AGBL4: variants seen among roughly 807,000 people sequenced by gnomAD.
AGBL4 encodes the protein AGBL carboxypeptidase 4.
Under a neutral mutation model 66.4 loss-of-function variants are expected in AGBL4, and 58 were observed. The ratio of observed to expected loss-of-function variants is 0.87; its 90% confidence interval spans 0.71 to 1.09. The LOEUF is 1.09. Ranked by LOEUF, AGBL4 falls within the 50% of genes least tolerant of loss-of-function variation. The probability of loss-of-function intolerance (pLI) is 0.00; values close to 1 mark genes in which losing one functional copy is unlikely to be tolerated. For missense variants in AGBL4, 579 were observed against 631.0 expected (o/e 0.92, Z 0.88); for synonymous variants, 234 against 222.9 (o/e 1.05, Z -0.44).
chr1:49,513,941 G>T (rs1649511068), intron 3 of AGBL4, among the ~76,000 whole-genome samples: 1 of 151,978 alleles, frequency 6.6e-6, no homozygotes, highest in Non-Finnish European at 1.5e-5. Context: ...CATTTCATGG[G>T]CTAAGACTGG....
At chr1:48,578,838 A>G (rs1644692842) in intron 11 of AGBL4, among the ~76,000 whole-genome samples, 1 of 152,148 alleles carries the variant, frequency 6.6e-6, no homozygotes, top group Non-Finnish European at 1.5e-5. Context: ...GATTTAACCA[A>G]GTCCACATAG....
At chr1:48,893,127 C>G (rs1458743139) in intron 5 of AGBL4, among the ~76,000 whole-genome samples, 1 of 152,160 alleles carries the variant, frequency 6.6e-6, no homozygotes, top group African/African-American at 2.4e-5. Flanking sequence ...ACTTGCCTGA[C>G]AGCTGGGGCT....
chr1:49,564,467 C>T (rs566683437), intron 3 of AGBL4, among the ~76,000 whole-genome samples: 1 of 152,302 alleles, frequency 6.6e-6, no homozygotes, highest in South Asian at 2.1e-4. Context: ...TCCCTCTACA[C>T]ACTGCTTTGA....
intron 9 of AGBL4, among the ~76,000 whole-genome samples, chr1:48,606,667 C>A (rs1354448598): frequency 6.6e-6 from 1 of 152,176 alleles, no homozygotes; most frequent in Non-Finnish European, 1.5e-5. Flanking sequence ...AGGCTCCCAG[C>A]AAGAAGGCCA....
At chr1:49,628,371 C>A (rs911815892) in intron 3 of AGBL4, among the ~76,000 whole-genome samples, 1 of 152,138 alleles carries the variant, frequency 6.6e-6, no homozygotes, top group African/African-American at 2.4e-5. Flanking sequence ...TATAACCAAG[C>A]ATATATGCCA....
At position 49,460,824 on chromosome 1, in the gene AGBL4, T is replaced by C. The variant is rs1048362076; in HGVS notation, c.283-214960A>G. The stretch of plus-strand genomic sequence containing the variant: ...GGTGAATACTCTCAGCATCTATTTA[T>C]CTGGAAGACTGTATCTTTCCTTCAT... On this transcript the variant is annotated intron_variant, in intron 3 of 13. Transcript: ENST00000371839. Among the ~76,000 whole-genome samples the C allele has an allele frequency of 3.6e-4, 55 of 151,724 alleles. 2 individuals carry two copies. The highest frequency in any genetic ancestry group is 1.2e-4 in the Non-Finnish European group (8 of 67,816).
At chr1:49,625,944 G>A (rs189859709) in intron 3 of AGBL4, among the ~76,000 whole-genome samples, 2 of 152,244 alleles carry the variant, frequency 1.3e-5, no homozygotes, top group East Asian at 3.9e-4. Flanking sequence ...AGAATAGGAA[G>A]CAGCAAAATC....
chr1:49,609,283 T>A (rs1645112933), intron 3 of AGBL4, among the ~76,000 whole-genome samples: 1 of 152,116 alleles, frequency 6.6e-6, no homozygotes, highest in Admixed American at 6.6e-5. Context: ...ATTGTTTTTA[T>A]CATTAGGGCC....
chr1:49,748,523 C>A (rs1354579758), intron 2 of AGBL4, among the ~76,000 whole-genome samples: 1 of 152,130 alleles, frequency 6.6e-6, no homozygotes, highest in Non-Finnish European at 1.5e-5. Flanking sequence ...TGGGTATATA[C>A]CCAGTAATGG....
At chr1:48,918,060 C>T (rs544723399) in intron 5 of AGBL4, among the ~76,000 whole-genome samples, 6 of 152,298 alleles carry the variant, frequency 3.9e-5, no homozygotes, top group Non-Finnish European at 8.8e-5. Flanking sequence ...GGCCTTTCTC[C>T]AGCAGCCAGG....
intron 3 of AGBL4, among the ~76,000 whole-genome samples, chr1:49,643,854 T>G (rs1258093807): frequency 2.0e-5 from 3 of 151,600 alleles, no homozygotes; most frequent in Admixed American, 2.0e-4. Flanking sequence ...GAAAGAAAAC[T>G]GTAACATATA....
At chr1:49,076,493 C>G (rs1221174103) in intron 4 of AGBL4, among the ~76,000 whole-genome samples, 1 of 152,064 alleles carries the variant, frequency 6.6e-6, no homozygotes, top group African/African-American at 2.4e-5. Flanking sequence ...AAATGCTACT[C>G]TAAGAAAAGG....
At chr1:49,444,860 T>C (rs1021225639) in intron 3 of AGBL4, among the ~76,000 whole-genome samples, 4 of 152,088 alleles carry the variant, frequency 2.6e-5, no homozygotes, top group African/African-American at 4.8e-5. Context: ...CAATTTCACA[T>C]TGATTGTTGT....
At chr1:48,587,283 C>A (rs545727863) in intron 10 of AGBL4, 117 bp from the exon 11 acceptor site, 39 of 950,956 alleles carry the variant, frequency 4.1e-5, no homozygotes, top group Admixed American at 2.0e-4. Context: ...GGGATATTAG[C>A]CCCTCATCAC....
intron 5 of AGBL4, among the ~76,000 whole-genome samples, chr1:48,981,491 T>C (rs1192193339): frequency 6.6e-6 from 1 of 152,122 alleles, no homozygotes; most frequent in Non-Finnish European, 1.5e-5. Flanking sequence ...TTTTCAATAG[T>C]GAGTGCCATA....
chr1:49,364,780 T>C (rs930938289), intron 3 of AGBL4, among the ~76,000 whole-genome samples: 4 of 152,162 alleles, frequency 2.6e-5, no homozygotes, highest in African/African-American at 9.7e-5. Flanking sequence ...GCCGGGCCCA[T>C]GTGCGTACTT....
intron 2 of AGBL4, among the ~76,000 whole-genome samples, chr1:49,748,486 T>TTTA (rs1193815847): frequency 2.0e-5 from 3 of 152,246 alleles, no homozygotes; most frequent in African/African-American, 7.2e-5. Flanking sequence ...TGCATGTGGC[T>TTTA]TTATTATAGA....
At chr1:49,776,390 T>A (rs918394196) in intron 2 of AGBL4, among the ~76,000 whole-genome samples, 1 of 152,098 alleles carries the variant, frequency 6.6e-6, no homozygotes, top group Admixed American at 6.6e-5. Context: ...TATATCTCCA[T>A]CCTCTGTAGA....
At chr1:49,558,734 C>T (rs1244960172) in intron 3 of AGBL4, among the ~76,000 whole-genome samples, 1 of 152,094 alleles carries the variant, frequency 6.6e-6, no homozygotes, top group African/African-American at 2.4e-5. Context: ...GAGTTGCAGG[C>T]CAAGCAGCAT....
Sources: allele counts gnomAD v4.1 joint callset (sites outside exome capture counted in the v4.1 genomes callset), GRCh38; gene constraint gnomAD v4.1.1; transcripts MANE v1.5; gene names NCBI Gene and HGNC (gene_info 2026-07-23, HGNC 2026-07-21).